The following ARMC10 variants were observed in gnomAD, a reference collection of about 807,000 sequenced individuals.
ARMC10 encodes the protein armadillo repeat-containing protein 10.
A neutral mutation model predicts 30.2 loss-of-function variants in ARMC10; 23 were observed. That is an observed-to-expected ratio of 0.76 (90% CI 0.55 to 1.08). The LOEUF (loss-of-function observed/expected upper bound fraction) is 1.08, where lower values mean the gene tolerates loss of function less well. Among genes scored for constraint, ARMC10 ranks in the 50% least tolerant of loss-of-function variants. ARMC10 has a pLI of 0.00. For missense variants in ARMC10, 303 were observed against 413.7 expected, an observed-to-expected ratio of 0.73 and a Z score of 2.32; for synonymous variants, 111 against 164.4, an observed-to-expected ratio of 0.68 and a Z score of 2.48.
In ARMC10 at chr7:103,092,603, T is replaced by C; in HGVS notation, c.655T>C (p.Tyr219His). 6.2e-7 allele frequency: 1 copy of C among 1,607,406 alleles called. No individual in the cohort carries two copies. The highest frequency in any genetic ancestry group is 8.5e-7 in the Non-Finnish European group (1 of 1,174,574). The change falls in exon 5 of 7, where the codon TAC (tyrosine) becomes CAC (histidine). Residue 219 changes from tyrosine to histidine, a missense_variant. Physicochemically the swap from Tyr to His is moderately conservative, Grantham distance 83. Coordinates refer to ENST00000323716, the MANE Select transcript of ARMC10 (RefSeq NM_031905.5). ...TNDHQHMLHSYITDLFQVLLT... is the reference protein window; with the variant it reads ...TNDHQHMLHSHITDLFQVLLT... ...TGACCACCAGCACATGCTTCACAGT[T>C]ACATTACAGACCTGTTCCAGGTGTT...
intron 2 of ARMC10, among the ~76,000 whole-genome samples, chr7:103,080,819 G>A (rs981698396): frequency 6.6e-6 from 1 of 151,588 alleles, no homozygotes; most frequent in Non-Finnish European, 1.5e-5. Flanking sequence ...GTAGAGACAG[G>A]GTTTCAGCAT....
intron 3 of ARMC10, among the ~76,000 whole-genome samples, chr7:103,084,325 T>A (rs1800645078): frequency 6.6e-6 from 1 of 152,216 alleles, no homozygotes; most frequent in Non-Finnish European, 1.5e-5. Flanking sequence ...TTCCTACTCT[T>A]CCTCACAACC....
Position 103,086,722 on chromosome 7 carries a change from A to G in ARMC10, c.486A>G (p.Leu162=). The change falls in exon 4 of 7, where the codon CTA becomes CTG. Residue 162 remains leucine (L), a synonymous_variant. Transcript: ENST00000323716. ...QSIKEKALNA[L]NNLSVNVENQ... is the part of the protein sequence containing the mutation. ...TTAAAGAGAAAGCTTTAAATGCACT[A>G]AATAACCTGAGTGTGAATGTTGAAA... is the stretch of plus-strand genomic sequence containing the variant. 1 of 1,597,462 alleles carries G rather than the reference A, an allele frequency of 6.3e-7. No individual in the cohort carries two copies. The highest frequency in any genetic ancestry group is 1.2e-5 in the South Asian group (1 of 86,514).
intron 4 of ARMC10, among the ~76,000 whole-genome samples, chr7:103,090,503 T>G (rs2129523519): frequency 6.6e-6 from 1 of 152,166 alleles, no homozygotes; most frequent in African/African-American, 2.4e-5. Flanking sequence ...TTTATTTTTG[T>G]TTGTTTTTGT....
At chr7:103,084,958 T>C (rs1397050798) in intron 3 of ARMC10, among the ~76,000 whole-genome samples, 1 of 152,098 alleles carries the variant, frequency 6.6e-6, no homozygotes, top group Non-Finnish European at 1.5e-5. Flanking sequence ...TGCAGCTAAG[T>C]AGCAGGGATG....
chr7:103,075,321 GGCGCGGGCGCCTGCTACT>G lies in ARMC10; in HGVS notation c.52_69del (p.Ala18_Cys23del), dbSNP rs756027949. 19 of 1,240,162 alleles carry G rather than the reference GGCGCGGGCGCCTGCTACT, an allele frequency of 1.5e-5. No homozygotes were observed. Among genetic ancestry groups the G allele is most frequent in the Non-Finnish European group, 1.7e-5 (17 of 991,780 alleles). The allele number at this position is 1,240,162 out of a possible 1,614,324, so 76.8% of individuals were successfully genotyped here. On this transcript the variant is annotated inframe_deletion, in exon 1 of 7. Coordinates refer to ENST00000323716, the MANE Select transcript of ARMC10 (RefSeq NM_031905.5). The stretch of plus-strand genomic sequence containing the variant: ...CTGGGTGGCGGCGGGCCTGCTGCTC[GGCGCGGGCGCCTGCTACT>G]GCATTTACAGGCTGACCCGGGGTCG...
chr7:103,087,751 T>C, intron 4 of ARMC10: 1 of 983,794 alleles, frequency 1.0e-6, no homozygotes, highest in Non-Finnish European at 1.2e-6. Context: ...GTATTTAGTT[T>C]AGATAAAGAC....
chr7:103,097,473 G>T, intron 6 of ARMC10, 125 bp downstream of exon 6: 6 of 605,108 alleles, frequency 9.9e-6, no homozygotes, highest in East Asian at 3.2e-5. Context: ...TATTAAAGGT[G>T]GTTTTTTAAA....
At position 103,075,436 on chromosome 7, in the gene ARMC10, G is replaced by C. The variant is rs566426253; in HGVS notation, c.139+25G>C. 4.1e-5 allele frequency: 53 copies of C among 1,286,648 alleles called. No homozygotes were observed. In the South Asian group the frequency reaches 9.3e-4, roughly 23 times the overall value. The allele number at this position is 1,286,648 out of a possible 1,614,324, so 79.7% of individuals were successfully genotyped here. On this transcript the variant is annotated intron_variant, in intron 1 of 6. Transcript: ENST00000323716. ...GGTGGGACCCCGGGGTTTCCGGCAG[G>C]TGGGCGGGGACTGGGCAGGGGGGCT...
intron 4 of ARMC10, chr7:103,089,733 G>A (rs1801150631): frequency 6.6e-6 from 1 of 152,176 alleles, no homozygotes; most frequent in Non-Finnish European, 1.5e-5. Flanking sequence ...TTGGAGTTGG[G>A]GTTCAGTTTA....
intron 4 of ARMC10, among the ~76,000 whole-genome samples, chr7:103,087,553 T>C (rs1276300044): frequency 3.9e-5 from 6 of 152,212 alleles, no homozygotes; most frequent in Non-Finnish European, 7.4e-5. Flanking sequence ...CAGTGTTTTA[T>C]GTTTATTATT....
At position 103,098,841 on chromosome 7, in the gene ARMC10, C is replaced by G. The variant is rs1801999125; in HGVS notation, c.*288C>G. ...GTAACCTTTTTCACATTTAAGCTAC[C>G]CTTCTACCTTTTGAAGTGATTTGCA... On this transcript the variant is annotated 3_prime_UTR_variant, in exon 7 of 7. Transcript: ENST00000323716. 2 of 195,188 alleles carry G rather than the reference C, an allele frequency of 1.0e-5. No homozygotes were observed. The highest frequency in any genetic ancestry group is 2.0e-5 in the Non-Finnish European group (2 of 99,234). The allele number at this position is 195,188 out of a possible 1,614,324, so 12.1% of individuals were successfully genotyped here. A position where few individuals can be genotyped will look rare whatever the true frequency, so the allele number is the denominator to read the frequency against.
rs776026112 is a variant in ARMC10 at position 103,092,492 on chromosome 7, G to A, written c.544G>A (p.Val182Ile). 2 of 1,587,306 alleles carry A rather than the reference G, an allele frequency of 1.3e-6. No individual in the cohort carries two copies. Among genetic ancestry groups the A allele is most frequent in the African/African-American group, 1.3e-5 (1 of 74,606 alleles). Residue 182 changes from valine to isoleucine, a missense_variant, in exon 5 of 7, where the codon GTA becomes ATA. Physicochemically the swap from Val to Ile is conservative, Grantham distance 29 (BLOSUM62 3). Coordinates refer to ENST00000323716, the MANE Select transcript of ARMC10 (RefSeq NM_031905.5). ...CTGCCTTCAGATATACATCAGTCAA[G>A]TATGTGAGGATGTCTTCTCTGGTCC... ...QIKIKIYISQ[V>I]CEDVFSGPLN... is the part of the protein sequence containing the mutation.
At chr7:103,079,890 G>A (rs1033497905) in intron 2 of ARMC10, among the ~76,000 whole-genome samples, 1 of 152,168 alleles carries the variant, frequency 6.6e-6, no homozygotes, top group Admixed American at 6.5e-5. Context: ...TTTTACTGAA[G>A]GGCCTAAGAC....
chr7:103,084,355 T>C (rs1332418087), intron 3 of ARMC10, among the ~76,000 whole-genome samples: 1 of 152,240 alleles, frequency 6.6e-6, no homozygotes, highest in Non-Finnish European at 1.5e-5. Context: ...GAAAAAATAG[T>C]TAAAACAAAA....
At position 103,099,661 on chromosome 7, in the gene ARMC10, G is replaced by A. The variant is rs1450342365; in HGVS notation, c.*1108G>A. The A allele has an allele frequency of 6.9e-6, 1 of 143,908 alleles. No homozygotes were observed. Among genetic ancestry groups the A allele is most frequent in the Non-Finnish European group, 1.5e-5 (1 of 64,772 alleles). 8.9% of individuals were successfully genotyped at this position (143,908 alleles called of 1,614,324 possible). A position where few individuals can be genotyped will look rare whatever the true frequency, so the allele number is the denominator to read the frequency against. ...TGATACCCAAACTCCTGGAGTGGGA[G>A]TGGGGAATGCCTTCTACGTACACAC... On this transcript the variant is annotated 3_prime_UTR_variant, in exon 7 of 7. Transcript: ENST00000323716.
chr7:103,079,782 C>A (rs1800213759), intron 2 of ARMC10, among the ~76,000 whole-genome samples: 1 of 151,792 alleles, frequency 6.6e-6, no homozygotes, highest in African/African-American at 2.4e-5. Context: ...AGAATGAGAC[C>A]CTGTTTCAAA....
At chr7:103,076,938 G>A (rs1012354546) in intron 2 of ARMC10, among the ~76,000 whole-genome samples, 1 of 152,146 alleles carries the variant, frequency 6.6e-6, no homozygotes, top group African/African-American at 2.4e-5. Flanking sequence ...ACCCAGGCTC[G>A]GTGCAGTGGC....
chr7:103,081,162 C>CT (rs1221571327), intron 2 of ARMC10, among the ~76,000 whole-genome samples: 1 of 152,162 alleles, frequency 6.6e-6, no homozygotes, highest in African/African-American at 2.4e-5. Flanking sequence ...GCCTAAGTCT[C>CT]TTACCTGGTA....
Sources: gnomAD v4.1 joint callset for allele counts (sites outside exome capture counted in the v4.1 genomes callset) on GRCh38, gnomAD v4.1.1 for gene constraint, MANE v1.5 for transcripts, NCBI Gene and HGNC (gene_info 2026-07-23, HGNC 2026-07-21) for gene names.